Variants in TMEM17 observed in about 807,000 individuals in gnomAD.
TMEM17 encodes transmembrane protein 17.
A neutral mutation model predicts 19.1 loss-of-function variants in TMEM17; 15 were observed. That is an observed-to-expected ratio of 0.78 (90% CI 0.52 to 1.21). The LOEUF (loss-of-function observed/expected upper bound fraction) is 1.21, where lower values mean the gene tolerates loss of function less well. Among genes scored for constraint, TMEM17 ranks in the 50% most tolerant of loss-of-function variants. The probability of loss-of-function intolerance (pLI) is 0.00; values close to 1 mark genes in which losing one functional copy is unlikely to be tolerated. For synonymous variants in TMEM17, 103 were observed against 86.9 expected (o/e 1.19, Z -1.03); for missense variants, 245 against 242.3 (o/e 1.01, Z -0.07).
At chr2:62,467,736 G>A in the TMEM17 span, among the ~76,000 whole-genome samples, 15 of 152,256 alleles carry the variant, frequency 9.9e-5, no homozygotes, top group Non-Finnish European at 2.1e-4. Context: ...GGAAAGTCAG[G>A]GTTTCTGGCC....
chr2:62,453,821 A>G, the TMEM17 span, among the ~76,000 whole-genome samples: 2 of 152,232 alleles, frequency 1.3e-5, no homozygotes. Flanking sequence ...GCTTGCTTTT[A>G]TTAGACTGAG....
At chr2:62,504,001 G>A (rs1406789100) in intron 1 of TMEM17, among the ~76,000 whole-genome samples, 1 of 152,132 alleles carries the variant, frequency 6.6e-6, no homozygotes, top group Non-Finnish European at 1.5e-5. Context: ...AAATTCTTAA[G>A]AGCAGACACA....
chr2:62,505,991 G>T, intron 1 of TMEM17, 39 bp downstream of exon 1: 1 of 1,550,798 alleles, frequency 6.4e-7, no homozygotes, highest in Non-Finnish European at 8.8e-7. Context: ...CCAAGCCCTC[G>T]GCAGGCCACA....
the TMEM17 span, among the ~76,000 whole-genome samples, chr2:62,484,105 TA>T: frequency 1.3e-5 from 2 of 152,284 alleles, no homozygotes; most frequent in Admixed American, 1.3e-4. Context: ...TTAAGAAAGT[TA>T]ATTTCACTTT....
At chr2:62,503,566 T>C (rs118177517) in intron 1 of TMEM17, among the ~76,000 whole-genome samples, 295 of 152,328 alleles carry the variant, frequency 1.9e-3, no homozygotes, top group African/African-American at 5.8e-3. Flanking sequence ...ATCTGTAAAA[T>C]AGTGAAATTA....
chr2:62,502,189 TTTACA>T (rs1480836339), intron 3 of TMEM17: 2 of 272,382 alleles, frequency 7.3e-6, no homozygotes, highest in Non-Finnish European at 1.4e-5. Flanking sequence ...ATTCATATAC[TTTACA>T]TAAATCATTT....
At chr2:62,491,491 C>CA in the TMEM17 span, 4 of 152,740 alleles carry the variant, frequency 2.6e-5, no homozygotes, top group Non-Finnish European at 5.8e-5. Context: ...AACAAACAAA[C>CA]AACAACAACA....
chr2:62,472,340 G>A, the TMEM17 span, among the ~76,000 whole-genome samples: 52 of 152,328 alleles, frequency 3.4e-4, no homozygotes, highest in Non-Finnish European at 6.9e-4. Context: ...TTTCCCTGCA[G>A]CCTGGAATGA....
chr2:62,457,217 G>A, the TMEM17 span, among the ~76,000 whole-genome samples: 1 of 152,252 alleles, frequency 6.6e-6, no homozygotes, highest in South Asian at 2.1e-4. This position sits in a 1 kb window ranked among gnomAD's most constrained non-coding sequence, Gnocchi z 4.2. Context: ...TGCCGTGCGG[G>A]CTGCTGCTTC....
At chr2:62,465,449 C>G in the TMEM17 span, among the ~76,000 whole-genome samples, 1 of 152,250 alleles carries the variant, frequency 6.6e-6, no homozygotes, top group East Asian at 1.9e-4. Context: ...TTCTGTAAGT[C>G]TAAAACTTCA....
the TMEM17 span, among the ~76,000 whole-genome samples, chr2:62,469,459 T>C: frequency 6.6e-6 from 1 of 152,256 alleles, no homozygotes; most frequent in African/African-American, 2.4e-5. Context: ...TTTCTTTAAT[T>C]AAAAATCCAG....
chr2:62,462,538 A>G, the TMEM17 span, among the ~76,000 whole-genome samples: 1 of 152,164 alleles, frequency 6.6e-6, no homozygotes, highest in Non-Finnish European at 1.5e-5. Context: ...CATTCCCAGT[A>G]CAGTGCTACC....
At chr2:62,470,943 C>T in the TMEM17 span, among the ~76,000 whole-genome samples, 1 of 152,170 alleles carries the variant, frequency 6.6e-6, no homozygotes, top group Non-Finnish European at 1.5e-5. Context: ...AGCCTGTTTG[C>T]AAACAGTGAG....
Position 62,502,768 on chromosome 2 carries a change from G to A in TMEM17, c.127C>T (p.Leu43=). ...GTATTAAAATAAAGTGACATCTGCA[G>A]TGCCAAACTGGAGACCATTTCATTT... ...PENEMVSSLA[L]QMSLYFNTYY... Residue 43 remains leucine, a synonymous_variant, in exon 2 of 4, where the codon CTG becomes TTG. Transcript: ENST00000335390. 1 of 1,607,308 alleles carries A rather than the reference G, an allele frequency of 6.2e-7. No homozygotes were observed. The highest frequency in any genetic ancestry group is 8.5e-7 in the Non-Finnish European group (1 of 1,177,980).
At chr2:62,496,418 TAGGAG>T (rs1356714991), downstream of TMEM17, among the ~76,000 whole-genome samples, 3 of 152,224 alleles carry the variant, frequency 2.0e-5, no homozygotes, top group Non-Finnish European at 4.4e-5. Context: ...TATCTAATGA[TAGGAG>T]AGAAGTTAAA....
chr2:62,479,542 T>C, the TMEM17 span, among the ~76,000 whole-genome samples: 1 of 152,108 alleles, frequency 6.6e-6, no homozygotes, highest in African/African-American at 2.4e-5. Context: ...GCAATAAACA[T>C]GGGGGTGTGG....
At chr2:62,463,991 C>A in the TMEM17 span, 17,184 of 152,118 alleles carry the variant, frequency 0.11, 1,108 homozygotes, top group East Asian at 0.21. Flanking sequence ...GATGACCTAC[C>A]CCCCCATCCC....
chr2:62,472,697 G>T, the TMEM17 span, among the ~76,000 whole-genome samples: 1 of 152,208 alleles, frequency 6.6e-6, no homozygotes, highest in Non-Finnish European at 1.5e-5. Flanking sequence ...ACTGGGCAAT[G>T]GGGTGGTAGA....
the TMEM17 span, among the ~76,000 whole-genome samples, chr2:62,476,706 G>A: frequency 2.2e-4 from 33 of 152,340 alleles, no homozygotes; most frequent in African/African-American, 7.5e-4. Flanking sequence ...GTCTGGAATA[G>A]CTGTGAGATG....
Sources: gnomAD v4.1 joint callset for allele counts (sites outside exome capture counted in the v4.1 genomes callset) on GRCh38, gnomAD v4.1.1 for gene constraint, Gnocchi (gnomAD v3.1) non-coding constraint, MANE v1.5 for transcripts, NCBI Gene and HGNC (gene_info 2026-07-23, HGNC 2026-07-21) for gene names.